The following ADGRL2 variants were observed in gnomAD, a reference collection of about 807,000 sequenced individuals.
ADGRL2 encodes adhesion G protein-coupled receptor L2.
Under a neutral mutation model 157.4 loss-of-function variants are expected in ADGRL2, and 44 were observed. That is an observed-to-expected ratio of 0.28 (90% CI 0.22 to 0.36). ADGRL2 has a LOEUF of 0.36. Among genes scored for constraint, ADGRL2 ranks in the 10% least tolerant of loss-of-function variants. ADGRL2 has a pLI of 1.00. For synonymous variants in ADGRL2, 585 were observed against 624.7 expected, an observed-to-expected ratio of 0.94 and a Z score of 0.95; for missense variants, 1,510 against 1,768.9, an observed-to-expected ratio of 0.85 and a Z score of 2.63.
At chr1:81,533,320 G>A (rs1030164865) in intron 2 of ADGRL2, among the ~76,000 whole-genome samples, 30 of 152,084 alleles carry the variant, frequency 2.0e-4, no homozygotes, top group Non-Finnish European at 3.2e-4. Flanking sequence ...CGGAGGTTGC[G>A]GTGAGCCAAG....
chr1:81,372,610 T>C (rs1237268605), intron 1 of ADGRL2, among the ~76,000 whole-genome samples: 1 of 152,226 alleles, frequency 6.6e-6, no homozygotes, highest in Non-Finnish European at 1.5e-5. Flanking sequence ...ATTAGTTGAT[T>C]AGTTTATTTT....
intron 19 of ADGRL2, 139 bp from the exon 20 acceptor site, chr1:81,984,444 C>A: frequency 2.3e-6 from 2 of 866,456 alleles, no homozygotes; most frequent in Non-Finnish European, 3.4e-6. Context: ...CTTGATTTTG[C>A]AAGTTCAATT....
intron 3 of ADGRL2, among the ~76,000 whole-genome samples, chr1:81,608,699 C>T (rs2081482163): frequency 6.6e-6 from 1 of 152,098 alleles, no homozygotes; most frequent in African/African-American, 2.4e-5. Context: ...TTGGAAAAGC[C>T]CAACTCTGCT....
chr1:81,908,599 G>A (rs1315856529), intron 3 of ADGRL2, among the ~76,000 whole-genome samples: 1 of 152,064 alleles, frequency 6.6e-6, no homozygotes, highest in Non-Finnish European at 1.5e-5. Flanking sequence ...CAGTTTATTT[G>A]GGCAAATAAA....
chr1:81,569,280 T>C (rs1570530116), intron 2 of ADGRL2, among the ~76,000 whole-genome samples: 1 of 152,248 alleles, frequency 6.6e-6, no homozygotes, highest in East Asian at 1.9e-4. Context: ...CACGAGACAA[T>C]TAAGTTACAT....
intron 3 of ADGRL2, among the ~76,000 whole-genome samples, chr1:81,595,663 C>T (rs375949612): frequency 6.6e-6 from 1 of 152,140 alleles, no homozygotes; most frequent in Non-Finnish European, 1.5e-5. Flanking sequence ...TTCTTCATTC[C>T]GTTAATAAAA....
chr1:81,770,833 AC>A (rs2086339288), intron 2 of ADGRL2, among the ~76,000 whole-genome samples: 1 of 152,188 alleles, frequency 6.6e-6, no homozygotes, highest in African/African-American at 2.4e-5. Context: ...ACTCTTAAAT[AC>A]CTTTTTTACA....
chr1:81,466,883 A>G (rs963476533), intron 2 of ADGRL2, among the ~76,000 whole-genome samples: 5 of 152,264 alleles, frequency 3.3e-5, no homozygotes, highest in East Asian at 3.9e-4. Context: ...CAATTATTGT[A>G]TATTCCCAGG....
intron 3 of ADGRL2, among the ~76,000 whole-genome samples, chr1:81,645,357 AT>A (rs1444862133): frequency 1.4e-5 from 2 of 142,570 alleles, no homozygotes; most frequent in African/African-American, 5.2e-5. Context: ...GCACCACTGC[AT>A]TCCATTCCAG....
rs889821023 is a variant in ADGRL2, at chr1:81,623,898, A to G, written c.-143+42918A>G. Among the ~76,000 whole-genome samples, 5 of 152,102 alleles carry G rather than the reference A, an allele frequency of 3.3e-5. No homozygotes were observed. In the East Asian group the frequency reaches 5.8e-4, roughly 18 times the overall value. On this transcript the variant is annotated intron_variant, in intron 3 of 24. Coordinates refer to the ADGRL2 transcript ENST00000370721. The stretch of plus-strand genomic sequence containing the variant: ...GATTGGCCCTCCTCAGCTTCCCAAA[A>G]TGCTGGGATTACAGGTGTGAGCCAT...
At chr1:81,852,865 A>G (rs1375983589) in intron 2 of ADGRL2, among the ~76,000 whole-genome samples, 2 of 152,154 alleles carry the variant, frequency 1.3e-5, no homozygotes, top group Non-Finnish European at 2.9e-5. Context: ...TAGCTTTATT[A>G]AATTATTTTT....
chr1:81,933,438 A>G (rs776763241), intron 3 of ADGRL2, among the ~76,000 whole-genome samples: 2 of 152,212 alleles, frequency 1.3e-5, no homozygotes, highest in Non-Finnish European at 2.9e-5. Context: ...AAGTCATGCC[A>G]GGAACTGTGC....
intron 1 of ADGRL2, among the ~76,000 whole-genome samples, chr1:81,411,322 T>C (rs1438362683): frequency 6.6e-6 from 1 of 152,234 alleles, no homozygotes; most frequent in Non-Finnish European, 1.5e-5. Context: ...TTAGCCATTA[T>C]AACAATTTAA....
chr1:81,418,863 G>T (rs868540450), intron 1 of ADGRL2, among the ~76,000 whole-genome samples: 19 of 152,288 alleles, frequency 1.2e-4, no homozygotes, highest in South Asian at 4.2e-4. Flanking sequence ...CCAAATCCAT[G>T]TTAAAATAGA....
intron 1 of ADGRL2, among the ~76,000 whole-genome samples, chr1:81,390,291 TAAAAGAG>T (rs2076513713): frequency 4.3e-4 from 66 of 152,280 alleles, no homozygotes; most frequent in African/African-American, 1.4e-3. Flanking sequence ...TTGAAAAACG[TAAAAGAG>T]TTATGAAAAC....
chr1:81,397,406 G>T (rs34364127), intron 1 of ADGRL2, among the ~76,000 whole-genome samples: 67,335 of 141,222 alleles, frequency 0.48, 16,672 homozygotes, highest in East Asian at 0.9. Context: ...CTGCAACTCC[G>T]CCTCCCGGGT....
chr1:81,901,328 C>G (rs1405765325), intron 2 of ADGRL2, among the ~76,000 whole-genome samples: 1 of 151,640 alleles, frequency 6.6e-6, no homozygotes, highest in Non-Finnish European at 1.5e-5. Context: ...GAAAAAAAAA[C>G]TATTTTTCAA....
intron 1 of ADGRL2, among the ~76,000 whole-genome samples, chr1:81,317,448 C>T (rs1660183088): frequency 6.6e-6 from 1 of 152,126 alleles, no homozygotes; most frequent in Admixed American, 6.6e-5. Context: ...TGTTACCATC[C>T]CACTGTATCC....
chr1:81,596,806 A>G (rs2148614576), intron 3 of ADGRL2, among the ~76,000 whole-genome samples: 1 of 152,216 alleles, frequency 6.6e-6, no homozygotes, highest in African/African-American at 2.4e-5. Context: ...GGTAACACAC[A>G]GGATTAAGTA....
Sources: gnomAD v4.1 joint callset for allele counts (sites outside exome capture counted in the v4.1 genomes callset) on GRCh38, gnomAD v4.1.1 for gene constraint, MANE v1.5 for transcripts, NCBI Gene and HGNC (gene_info 2026-07-23, HGNC 2026-07-21) for gene names.